HPSE2: variants seen among roughly 807,000 people sequenced by gnomAD.
The protein encoded by HPSE2 is heparanase 2 (inactive), also known as inactive heparanase-2.
HPSE2 carries 38 observed loss-of-function variants against 60.5 expected under a neutral mutation model. The observed-to-expected ratio is 0.63, with a 90% confidence interval of 0.48 to 0.82. HPSE2 has a LOEUF of 0.82. Among genes scored for constraint, HPSE2 ranks in the 40% least tolerant of loss-of-function variants. HPSE2 has a pLI of 0.00. For synonymous variants in HPSE2, 295 were observed against 293.2 expected, an observed-to-expected ratio of 1.01 and a Z score of -0.06; for missense variants, 713 against 740.4, an observed-to-expected ratio of 0.96 and a Z score of 0.43.
intron 9 of HPSE2, among the ~76,000 whole-genome samples, chr10:98,544,190 T>G (rs1231898088): frequency 3.1e-4 from 47 of 152,092 alleles, no homozygotes; most frequent in Non-Finnish European, 3.2e-4. Context: ...CCAAAACTGC[T>G]CAAGTACATG....
chr10:99,016,161 A>AGTGTTGCATTT (rs1174954705), intron 3 of HPSE2, among the ~76,000 whole-genome samples: 1 of 152,164 alleles, frequency 6.6e-6, no homozygotes, highest in Non-Finnish European at 1.5e-5. Context: ...CAGGGATTTT[A>AGTGTTGCATTT]AAGTTTTGAG....
At chr10:99,249,197 AC>A in the HPSE2 span, among the ~76,000 whole-genome samples, 1 of 152,192 alleles carries the variant, frequency 6.6e-6, no homozygotes, top group Non-Finnish European at 1.5e-5. Context: ...AACAGCTTGT[AC>A]AGTGTGCCTG....
chr10:98,965,947 T>C (rs1955803665), intron 3 of HPSE2, among the ~76,000 whole-genome samples: 1 of 151,982 alleles, frequency 6.6e-6, no homozygotes. Flanking sequence ...TGGAGTGCAG[T>C]GGCGCGAATC....
chr10:98,615,149 AG>A, intron 8 of HPSE2, 131 bp from the exon 9 acceptor site: 1 of 690,318 alleles, frequency 1.4e-6, no homozygotes, highest in Non-Finnish European at 2.6e-6. Flanking sequence ...TACTTTAAAA[AG>A]GGTTATTTTA....
intron 5 of HPSE2, among the ~76,000 whole-genome samples, chr10:98,704,202 A>T (rs987181644): frequency 1.6e-4 from 24 of 152,202 alleles, no homozygotes; most frequent in African/African-American, 5.8e-4. Context: ...ACAGCTAACA[A>T]GGGATGTGAA....
In HPSE2 at chr10:98,726,774, T is replaced by G. The variant is rs1041721112; in HGVS notation, c.785-4946A>C. ...AAGGCTAAATATGCTTAGGAGGGAC[T>G]ACAGGATAGAAGTGTGGATAGTAGG... On this transcript the variant is annotated intron_variant, in intron 4 of 11. Coordinates refer to ENST00000370552, the MANE Select transcript of HPSE2 (RefSeq NM_021828.5). 9.7e-4 allele frequency among the ~76,000 whole-genome samples: 147 copies of G among 152,066 alleles called. 1 individual carries two copies. The highest frequency in any genetic ancestry group is 1.2e-3 in the Non-Finnish European group (82 of 67,986).
chr10:98,795,291 T>C (rs555978423), intron 3 of HPSE2, among the ~76,000 whole-genome samples: 4 of 152,276 alleles, frequency 2.6e-5, no homozygotes, highest in Non-Finnish European at 1.5e-5. Flanking sequence ...GGAGAGACAG[T>C]CTTGAGTCAC....
At chr10:99,308,387 A>AAAAAAAAAAAAAAAAAAAAAAAAAG in the HPSE2 span, among the ~76,000 whole-genome samples, 1 of 146,832 alleles carries the variant, frequency 6.8e-6, no homozygotes, top group Non-Finnish European at 1.5e-5. Context: ...CTCAAAAAAA[A>AAAAAAAAAAAAAAAAAAAAAAAAAG]AAAAAAAAAG....
At chr10:99,189,475 A>G (rs533823695) in intron 2 of HPSE2, among the ~76,000 whole-genome samples, 1 of 152,344 alleles carries the variant, frequency 6.6e-6, no homozygotes, top group Non-Finnish European at 1.5e-5. Flanking sequence ...CTCAATAAAA[A>G]GCATGAACTT....
chr10:99,158,635 T>A (rs1846687964), intron 2 of HPSE2, among the ~76,000 whole-genome samples: 1 of 144,508 alleles, frequency 6.9e-6, no homozygotes, highest in Non-Finnish European at 1.5e-5. Context: ...TTGGGAGATA[T>A]ACCTAATGTT....
At chr10:99,314,831 T>C in the HPSE2 span, among the ~76,000 whole-genome samples, 1 of 152,234 alleles carries the variant, frequency 6.6e-6, no homozygotes, top group African/African-American at 2.4e-5. Flanking sequence ...AATTTTTTGA[T>C]CTCCTCAGAG....
chr10:98,878,559 C>G (rs897243007), intron 3 of HPSE2, among the ~76,000 whole-genome samples: 3 of 151,864 alleles, frequency 2.0e-5, no homozygotes, highest in Non-Finnish European at 2.9e-5. Context: ...TTGAAGAGAT[C>G]CTAGTGTATC....
intron 2 of HPSE2, among the ~76,000 whole-genome samples, chr10:99,212,312 AT>A (rs1302332360): frequency 6.6e-6 from 1 of 152,154 alleles, no homozygotes; most frequent in East Asian, 1.9e-4. Context: ...TACTAGATAT[AT>A]ATACATAGGA....
At chr10:99,089,478 CG>C (rs1458814932) in intron 3 of HPSE2, among the ~76,000 whole-genome samples, 7 of 151,924 alleles carry the variant, frequency 4.6e-5, no homozygotes, top group African/African-American at 1.7e-4. Flanking sequence ...ATCAGTTGGC[CG>C]TTAAGTATTT....
chr10:98,511,171 G>A (rs1358317433), intron 9 of HPSE2, among the ~76,000 whole-genome samples: 1 of 147,526 alleles, frequency 6.8e-6, no homozygotes, highest in Non-Finnish European at 1.5e-5. Flanking sequence ...TTTTTTTTGA[G>A]ACAGATTCTT....
intron 3 of HPSE2, among the ~76,000 whole-genome samples, chr10:99,128,612 A>G (rs1020824969): frequency 1.3e-5 from 2 of 152,160 alleles, no homozygotes; most frequent in African/African-American, 4.8e-5. Context: ...GTTCTCACTT[A>G]TAAGTGGGAC....
At chr10:98,482,254 G>C (rs1322923515) in intron 11 of HPSE2, among the ~76,000 whole-genome samples, 1 of 152,150 alleles carries the variant, frequency 6.6e-6, no homozygotes, top group African/African-American at 2.4e-5. Context: ...GAGGGACATG[G>C]TTCTCAACTA....
intron 3 of HPSE2, among the ~76,000 whole-genome samples, chr10:98,926,407 C>A (rs2135088222): frequency 6.6e-6 from 1 of 152,142 alleles, no homozygotes; most frequent in African/African-American, 2.4e-5. Flanking sequence ...GGTAATGGTA[C>A]AATACAGCTA....
intron 3 of HPSE2, among the ~76,000 whole-genome samples, chr10:98,816,538 T>C (rs567591643): frequency 1.3e-5 from 2 of 152,298 alleles, no homozygotes; most frequent in African/African-American, 4.8e-5. Context: ...GGGTAGATTG[T>C]GAGAGGTCTG....
Sources: gnomAD v4.1 joint callset for allele counts (sites outside exome capture counted in the v4.1 genomes callset) on GRCh38, gnomAD v4.1.1 for gene constraint, MANE v1.5 for transcripts, NCBI Gene and HGNC (gene_info 2026-07-23, HGNC 2026-07-21) for gene names.